Variants in API5 observed in about 807,000 individuals in gnomAD.
API5 encodes apoptosis inhibitor 5.
In API5, 6 loss-of-function variants were observed where a neutral mutation model predicts 71.9. That is an observed-to-expected ratio of 0.08 (90% CI 0.05 to 0.16). The LOEUF is 0.16. Ranked by LOEUF, API5 falls within the 10% of genes least tolerant of loss-of-function variation. API5 has a pLI of 1.00. For synonymous variants in API5, 189 were observed against 221.3 expected, an observed-to-expected ratio of 0.85 and a Z score of 1.30; for missense variants, 332 against 612.8, an observed-to-expected ratio of 0.54 and a Z score of 4.84.
In API5 at chr11:43,320,827, C is replaced by T. The variant is rs912340192; in HGVS notation, c.238C>T (p.Arg80Cys). ...LCEDEDVSIR[R>C]QAIKELPQFA... ...TGTTTGAAATCATGCCCAGATTCGA[C>T]GTCAAGCAATTAAAGAACTGCCTCA... Residue 80 changes from arginine (R) to cysteine (C), a missense_variant, in exon 3 of 14, where the codon CGT (arginine) becomes TGT (cysteine). This residue lies in a region of API5 where 127 missense variants were observed against 237.6 expected (regional missense o/e 0.53). Coordinates refer to ENST00000531273, the MANE Select transcript of API5 (RefSeq NM_001142930.2). The T allele has an allele frequency of 1.9e-6, 3 of 1,611,580 alleles. No homozygotes were observed. Among genetic ancestry groups the T allele is most frequent in the Non-Finnish European group, 2.5e-6 (3 of 1,179,670 alleles).
chr11:43,325,405 GGACAA>G (rs1467189536), intron 6 of API5, among the ~76,000 whole-genome samples: 1 of 152,164 alleles, frequency 6.6e-6, no homozygotes, highest in African/African-American at 2.4e-5. Context: ...TTTTAAGAAG[GGACAA>G]GACAACGTCA....
At chr11:43,337,538 T>C (rs936821694) in intron 13 of API5, among the ~76,000 whole-genome samples, 1 of 152,168 alleles carries the variant, frequency 6.6e-6, no homozygotes, top group African/African-American at 2.4e-5. Flanking sequence ...CACTGAACTC[T>C]CTTATTTACA....
rs1376491860 is a variant in API5 at position 43,342,424 on chromosome 11, G to A, written c.1493-4G>A. The A allele has an allele frequency of 9.4e-6, 15 of 1,588,798 alleles. No individual in the cohort carries two copies. The highest frequency in any genetic ancestry group is 2.7e-5 in the African/African-American group (2 of 73,544). ...GACCTAAACCCTTGTTCGCTTTTTC[G>A]TAGAGCAGAGAGGAGCCTTCAGGGG... On this transcript the variant is annotated splice_polypyrimidine_tract_variant and splice_region_variant and intron_variant, in intron 13 of 13. Transcript: ENST00000531273.
chr11:43,313,281 G>T (rs549942019), intron 1 of API5, among the ~76,000 whole-genome samples: 16 of 152,208 alleles, frequency 1.1e-4, no homozygotes, highest in Non-Finnish European at 2.1e-4. Context: ...CAGCAGTGTT[G>T]AATTATCCAT....
chr11:43,313,261 C>T (rs972348422), intron 1 of API5, among the ~76,000 whole-genome samples: 1 of 152,256 alleles, frequency 6.6e-6, no homozygotes, highest in South Asian at 2.1e-4. Context: ...GCCCCCGATA[C>T]ACAGTTTCTC....
Position 43,342,667 on chromosome 11 carries a change from C to A in API5, c.*157C>A, listed in dbSNP as rs1417875829. 1.3e-6 allele frequency: 1 copy of A among 773,814 alleles called. No homozygotes were observed. Among genetic ancestry groups the A allele is most frequent in the Non-Finnish European group, 2.2e-6 (1 of 447,458 alleles). 47.9% of individuals were successfully genotyped at this position (773,814 alleles called of 1,614,324 possible). A position where few individuals can be genotyped will look rare whatever the true frequency, so the allele number is the denominator to read the frequency against. On this transcript the variant is annotated 3_prime_UTR_variant, in exon 14 of 14. Transcript: ENST00000531273. ...TTGTATGTATGACCTACTTTTGTAA[C>A]AGACCATGGTTGTGTCCAAGGTAAA...
chr11:43,331,803 C>T (rs1855266615), intron 11 of API5, among the ~76,000 whole-genome samples: 1 of 151,952 alleles, frequency 6.6e-6, no homozygotes, highest in South Asian at 2.1e-4. Context: ...TATCATAGTG[C>T]CAAGTAGAAA....
chr11:43,326,042 G>A (rs143277527), intron 6 of API5, among the ~76,000 whole-genome samples: 15 of 152,266 alleles, frequency 9.9e-5, no homozygotes, highest in Admixed American at 9.8e-4. Context: ...TTTTGATGAG[G>A]AATCATTAGG....
At chr11:43,323,221 A>G (rs1478515304) in intron 5 of API5, among the ~76,000 whole-genome samples, 3 of 152,144 alleles carry the variant, frequency 2.0e-5, no homozygotes, top group Admixed American at 6.5e-5. Context: ...AACATTTTCT[A>G]AGAACCAATT....
At chr11:43,336,703 C>T (rs1168397196) in intron 13 of API5, among the ~76,000 whole-genome samples, 1 of 152,104 alleles carries the variant, frequency 6.6e-6, no homozygotes, top group South Asian at 2.1e-4. Context: ...CAATTCCTTA[C>T]CTTGCTTAAG....
chr11:43,323,480 G>T lies in API5; in HGVS notation c.594G>T (p.Leu198=). The T allele has an allele frequency of 6.2e-7, 1 of 1,614,120 alleles. No homozygotes were observed. Among genetic ancestry groups the T allele is most frequent in the Non-Finnish European group, 8.5e-7 (1 of 1,180,002 alleles). Residue 198 remains leucine (L), a synonymous_variant, in exon 6 of 14, where the codon CTG becomes CTT. Coordinates refer to ENST00000531273, the MANE Select transcript of API5 (RefSeq NM_001142930.2). The part of the protein sequence containing the change: ...GEEFVLFMKI[L]SGLKSLQTVS... ...AATTTGTTCTATTTATGAAGATACT[G>T]TCTGGGTTAAAAAGCTTACAGACAG...
chr11:43,323,374 G>C, intron 5 of API5, 56 bp from the exon 6 acceptor site: 1 of 1,414,122 alleles, frequency 7.1e-7, no homozygotes, highest in Non-Finnish European at 1.0e-6. Flanking sequence ...TTTCAGTGTT[G>C]ATCTGTCCCA....
intron 1 of API5, 143 bp downstream of exon 1, chr11:43,312,339 G>A: frequency 3.4e-6 from 3 of 870,608 alleles, no homozygotes; most frequent in African/African-American, 1.7e-5. Flanking sequence ...GTCTCGTCGG[G>A]GTGGGCCTCT....
chr11:43,325,020 T>C (rs571689278), intron 6 of API5, among the ~76,000 whole-genome samples: 3 of 151,826 alleles, frequency 2.0e-5, no homozygotes, highest in African/African-American at 7.3e-5. Flanking sequence ...GAGATCAAAA[T>C]GTATAGATGT....
In API5 at chr11:43,322,096, C is replaced by A. The variant is rs1184245494; in HGVS notation, c.503C>A (p.Thr168Lys). The A allele has an allele frequency of 6.2e-7, 1 of 1,612,330 alleles. No homozygotes were observed. The change falls in exon 5 of 14, where the codon ACA becomes AAA. Residue 168 changes from threonine to lysine, a missense_variant. Coordinates refer to ENST00000531273, the MANE Select transcript of API5 (RefSeq NM_001142930.2). The stretch of plus-strand genomic sequence containing the variant: ...AAGACTTTACCAGATGAAGTCTTAA[C>A]AAAGGAAGTGGAAGAGCTTATACTA... ...KLKTLPDEVL[T>K]KEVEELILTE...
intron 6 of API5, among the ~76,000 whole-genome samples, chr11:43,324,367 A>C (rs1396894839): frequency 6.6e-6 from 1 of 152,106 alleles, no homozygotes; most frequent in East Asian, 1.9e-4. Flanking sequence ...AAGTCATGAG[A>C]ATTTTGCATT....
intron 13 of API5, among the ~76,000 whole-genome samples, chr11:43,338,324 G>T: frequency 6.6e-6 from 1 of 152,032 alleles, no homozygotes; most frequent in East Asian, 1.9e-4. Context: ...CATGGTATTG[G>T]TTCTCACAAA....
chr11:43,316,351 T>G (rs1237661858), intron 1 of API5, among the ~76,000 whole-genome samples: 1 of 150,162 alleles, frequency 6.7e-6, no homozygotes, highest in East Asian at 2.0e-4. Flanking sequence ...GATTTAATAT[T>G]TTTTTCTTGG....
At chr11:43,331,730 G>A (rs1195957540) in intron 11 of API5, among the ~76,000 whole-genome samples, 1 of 152,132 alleles carries the variant, frequency 6.6e-6, no homozygotes, top group Non-Finnish European at 1.5e-5. Context: ...GCTGCAGTTT[G>A]TATCAGAAGA....
Sources: gnomAD v4.1 joint callset for allele counts (sites outside exome capture counted in the v4.1 genomes callset) on GRCh38, gnomAD v4.1.1 for gene constraint, gnomAD v4.1.1 regional missense constraint, MANE v1.5 for transcripts, NCBI Gene and HGNC (gene_info 2026-07-23, HGNC 2026-07-21) for gene names.